Variants in RPS6KA5 observed in about 807,000 individuals in gnomAD.
RPS6KA5 encodes ribosomal protein S6 kinase A5, also known as ribosomal protein S6 kinase alpha-5.
Under a neutral mutation model 85.5 loss-of-function variants are expected in RPS6KA5, and 27 were observed. The ratio of observed to expected loss-of-function variants is 0.32; its 90% CI spans 0.23 to 0.44. The LOEUF (loss-of-function observed/expected upper bound fraction) is 0.44, where lower values mean the gene tolerates loss of function less well. Ranked by LOEUF, RPS6KA5 falls within the 20% of genes least tolerant of loss-of-function variation. The probability of loss-of-function intolerance (pLI) is 1.00; values close to 1 mark genes in which losing one functional copy is unlikely to be tolerated. For synonymous variants in RPS6KA5, 334 were observed against 348.2 expected (o/e 0.96, Z 0.46); for missense variants, 811 against 980.9 (o/e 0.83, Z 2.31).
At chr14:90,932,477 T>C (rs1443876514) in intron 5 of RPS6KA5, among the ~76,000 whole-genome samples, 1 of 152,112 alleles carries the variant, frequency 6.6e-6, no homozygotes, top group Non-Finnish European at 1.5e-5. Flanking sequence ...TGGGTCTTAA[T>C]AGTACCCAGC....
intron 5 of RPS6KA5, among the ~76,000 whole-genome samples, chr14:90,924,970 G>C (rs2036581240): frequency 6.6e-6 from 1 of 152,152 alleles, no homozygotes; most frequent in African/African-American, 2.4e-5. Flanking sequence ...AATGAAAACA[G>C]GTTTTTTTCT....
rs538956910 is a variant in RPS6KA5 at position 91,034,915 on chromosome 14, C to A, written c.103+25417G>T. 4.6e-5 allele frequency among the ~76,000 whole-genome samples: 7 copies of A among 150,608 alleles called. No individual in the cohort carries two copies. In the South Asian group the frequency reaches 1.5e-3, roughly 32 times the overall value. On this transcript the variant is annotated intron_variant, in intron 1 of 16. Transcript: ENST00000614987. ...CCATTTAGTGGGCACATAGTATGTACCACAAAAAAGAAAAAAAAAACAGTT... is the reference window on the plus strand; with the variant it reads ...CCATTTAGTGGGCACATAGTATGTAACACAAAAAAGAAAAAAAAAACAGTT...
chr14:90,985,673 T>TGG (rs1220374991), intron 2 of RPS6KA5, among the ~76,000 whole-genome samples: 2 of 152,216 alleles, frequency 1.3e-5, no homozygotes, highest in Non-Finnish European at 2.9e-5. Flanking sequence ...TTAAGTGACT[T>TGG]ATACTTAGCC....
intron 3 of RPS6KA5, among the ~76,000 whole-genome samples, chr14:90,964,625 T>C (rs1406210429): frequency 6.6e-6 from 1 of 152,078 alleles, no homozygotes; most frequent in East Asian, 1.9e-4. Flanking sequence ...TAAAATTTGA[T>C]TGCTGAGGCT....
chr14:91,029,468 C>T (rs968548519), intron 1 of RPS6KA5, among the ~76,000 whole-genome samples: 2 of 152,104 alleles, frequency 1.3e-5, no homozygotes, highest in East Asian at 1.9e-4. Flanking sequence ...TTTCATTCTA[C>T]AAATATTTAA....
Position 90,858,438 on chromosome 14 carries a change from C to T in RPS6KA5, c.*13636G>A, listed in dbSNP as rs2032387978. ...TTTTCAGCGATCGAGAATTATTATA[C>T]TTTGTAAATGGAAATACCACTACTA... is the stretch of plus-strand genomic sequence containing the variant. On this transcript the variant is annotated 3_prime_UTR_variant, in exon 17 of 17. Coordinates refer to ENST00000614987, the MANE Select transcript of RPS6KA5 (RefSeq NM_004755.4). The T allele has an allele frequency of 6.6e-6, 1 of 152,090 alleles. No homozygotes were observed. Among genetic ancestry groups the T allele is most frequent in the Non-Finnish European group, 1.5e-5 (1 of 68,040 alleles). 9.4% of individuals were successfully genotyped at this position (152,090 alleles called of 1,614,324 possible). A position where few individuals can be genotyped will look rare whatever the true frequency, so the allele number is the denominator to read the frequency against.
intron 1 of RPS6KA5, among the ~76,000 whole-genome samples, chr14:91,058,216 TAATA>T (rs138886154): frequency 0.022 from 3,373 of 152,304 alleles, 117 homozygotes; most frequent in African/African-American, 0.078. Context: ...CAGTGTTCAG[TAATA>T]AATCAAAATG....
rs747734394 is a variant in RPS6KA5, at chr14:90,862,457, T to TCC, written c.*9616_*9617insGG. On this transcript the variant is annotated 3_prime_UTR_variant, in exon 17 of 17. Transcript: ENST00000614987. ...TTCCTCCTCCTCCTCCTCCTCCTCC[T>TCC]TCTTCTTCTTCTTCTTCTTCTTTTT... 17,045 of 100,834 alleles carry TCC rather than the reference T, an allele frequency of 0.17. 1,123 individuals carry two copies. Among genetic ancestry groups the TCC allele is most frequent in the East Asian group, 0.27 (1,070 of 4,010 alleles). The allele number at this position is 100,834 out of a possible 1,614,324, so 6.2% of individuals were successfully genotyped here. A position where few individuals can be genotyped will look rare whatever the true frequency, so the allele number is the denominator to read the frequency against.
In RPS6KA5 at chr14:90,958,323, T is replaced by C. The variant is rs528788712; in HGVS notation, c.395-10773A>G. Among the ~76,000 whole-genome samples the C allele has an allele frequency of 2.0e-5, 3 of 152,344 alleles. No homozygotes were observed. The East Asian group carries it at 5.8e-4, about 29-fold the overall frequency. The stretch of plus-strand genomic sequence containing the variant: ...TAGGAGAACTGACATTTTTTAAATA[T>C]TGCGTTTTCCAACCCATAAATATGG... On this transcript the variant is annotated intron_variant, in intron 3 of 16. Coordinates refer to ENST00000614987, the MANE Select transcript of RPS6KA5 (RefSeq NM_004755.4).
At chr14:90,941,437 C>T (rs898439108) in intron 5 of RPS6KA5, among the ~76,000 whole-genome samples, 8 of 152,150 alleles carry the variant, frequency 5.3e-5, no homozygotes, top group African/African-American at 9.7e-5. Context: ...AGAAAGCCGC[C>T]GAGGGAGTTT....
intron 1 of RPS6KA5, among the ~76,000 whole-genome samples, chr14:91,055,397 G>GCATAAAC (rs2043272738): frequency 6.6e-6 from 1 of 152,194 alleles, no homozygotes; most frequent in African/African-American, 2.4e-5. Flanking sequence ...AACAAGTGGT[G>GCATAAAC]AATGCATAAA....
At chr14:90,983,005 C>T (rs1274245573) in intron 2 of RPS6KA5, among the ~76,000 whole-genome samples, 9 of 151,080 alleles carry the variant, frequency 6.0e-5, no homozygotes, top group African/African-American at 2.2e-4. Context: ...CCCAGCTGCT[C>T]GGGAGGCTGA....
intron 4 of RPS6KA5, among the ~76,000 whole-genome samples, chr14:90,943,743 T>C (rs1315928667): frequency 6.6e-6 from 1 of 152,246 alleles, no homozygotes; most frequent in Non-Finnish European, 1.5e-5. Flanking sequence ...CAGCACACCA[T>C]GTATAAAATA....
intron 5 of RPS6KA5, among the ~76,000 whole-genome samples, chr14:90,929,561 A>G (rs2036862399): frequency 6.6e-6 from 1 of 152,200 alleles, no homozygotes; most frequent in South Asian, 2.1e-4. Context: ...ATATGTATAA[A>G]ATATTACAGA....
At chr14:90,899,478 G>T in intron 11 of RPS6KA5, 56 bp from the exon 12 acceptor site, 1 of 1,172,182 alleles carries the variant, frequency 8.5e-7, no homozygotes, top group Non-Finnish European at 1.3e-6. Flanking sequence ...TTTTATATCA[G>T]TACTGCCCCA....
Position 90,865,292 on chromosome 14 carries a change from T to C in RPS6KA5, c.*6782A>G, listed in dbSNP as rs1420069112. ...CAGTGGGAGAATGGATAAATTGTGA[T>C]GTATTTATCTGATGGAATACTACAG... On this transcript the variant is annotated 3_prime_UTR_variant, in exon 17 of 17. Transcript: ENST00000614987. 6.6e-6 allele frequency: 1 copy of C among 152,244 alleles called. No homozygotes were observed. The highest frequency in any genetic ancestry group is 2.4e-5 in the African/African-American group (1 of 41,474). The allele number at this position is 152,244 out of a possible 1,614,324, so 9.4% of individuals were successfully genotyped here.
intron 2 of RPS6KA5, 104 bp downstream of exon 2, chr14:91,000,984 C>T (rs967294404): frequency 3.2e-6 from 2 of 633,576 alleles, no homozygotes; most frequent in African/African-American, 1.9e-5. Context: ...ATGGATTCCT[C>T]ATGCTTTTTA....
At chr14:90,987,167 T>C (rs183277995) in intron 2 of RPS6KA5, among the ~76,000 whole-genome samples, 4 of 152,192 alleles carry the variant, frequency 2.6e-5, no homozygotes, top group African/African-American at 9.7e-5. Flanking sequence ...GGTATACACA[T>C]ACACAAATGC....
intron 6 of RPS6KA5, among the ~76,000 whole-genome samples, 188 bp from the exon 7 acceptor site, chr14:90,920,497 C>A (rs909386529): frequency 5.3e-5 from 8 of 152,018 alleles, no homozygotes; most frequent in African/African-American, 1.9e-4. Context: ...ATCCAAGTAT[C>A]CTCAGCACAG....
Sources: allele counts gnomAD v4.1 joint callset (sites outside exome capture counted in the v4.1 genomes callset), GRCh38; gene constraint gnomAD v4.1.1; transcripts MANE v1.5; gene names NCBI Gene and HGNC (gene_info 2026-07-23, HGNC 2026-07-21).